The following HEMK2 variants were observed in gnomAD, a reference collection of about 807,000 sequenced individuals.
HEMK2 encodes methyltransferase HEMK2.
the HEMK2 span, among the ~76,000 whole-genome samples, chr21:28,831,202 T>C: frequency 6.6e-6 from 1 of 151,886 alleles, no homozygotes; most frequent in African/African-American, 2.4e-5. Context: ...CCCAGCACTT[T>C]GGGAGGCCGA....
At chr21:28,752,716 G>A in the HEMK2 span, among the ~76,000 whole-genome samples, 4 of 152,268 alleles carry the variant, frequency 2.6e-5, no homozygotes, top group East Asian at 1.9e-4. Context: ...TCTGCACCAC[G>A]TCCTCATCGG....
the HEMK2 span, among the ~76,000 whole-genome samples, chr21:28,672,117 A>G: frequency 6.6e-6 from 1 of 151,976 alleles, no homozygotes; most frequent in Non-Finnish European, 1.5e-5. Context: ...AAAGAAACAT[A>G]GGCTTAAATA....
chr21:28,792,277 C>T, the HEMK2 span, among the ~76,000 whole-genome samples: 1 of 152,106 alleles, frequency 6.6e-6, no homozygotes, highest in Admixed American at 6.5e-5. Flanking sequence ...ATGAACATAG[C>T]CTGTTCTGCC....
At chr21:28,583,430 C>T in the HEMK2 span, among the ~76,000 whole-genome samples, 2 of 152,110 alleles carry the variant, frequency 1.3e-5, no homozygotes, top group African/African-American at 2.4e-5. Context: ...GCATGCAGAC[C>T]CTGTGAAAAG....
At chr21:28,655,660 T>C in the HEMK2 span, among the ~76,000 whole-genome samples, 15 of 151,998 alleles carry the variant, frequency 9.9e-5, no homozygotes, top group Admixed American at 9.2e-4. Flanking sequence ...AAGATAAGGA[T>C]AATAATATCT....
chr21:28,809,392 T>C, the HEMK2 span, among the ~76,000 whole-genome samples: 1 of 152,184 alleles, frequency 6.6e-6, no homozygotes, highest in African/African-American at 2.4e-5. Flanking sequence ...TGTAAAGGTT[T>C]TTAAGTAGTG....
the HEMK2 span, among the ~76,000 whole-genome samples, chr21:28,706,809 T>C: frequency 1.3e-5 from 2 of 152,230 alleles, no homozygotes; most frequent in Non-Finnish European, 2.9e-5. Flanking sequence ...ATTAGCATTA[T>C]TCTTGGTAGC....
At chr21:28,642,131 G>A in the HEMK2 span, among the ~76,000 whole-genome samples, 9 of 152,210 alleles carry the variant, frequency 5.9e-5, no homozygotes, top group Non-Finnish European at 1.2e-4. Flanking sequence ...ACCTTCAGGA[G>A]CTTACTGAAT....
chr21:28,636,978 A>T, the HEMK2 span, among the ~76,000 whole-genome samples: 1,059 of 152,308 alleles, frequency 7.0e-3, 15 homozygotes, highest in African/African-American at 0.024. Flanking sequence ...AACAAGCTTT[A>T]AAAGTATGAC....
At chr21:28,716,854 T>C in the HEMK2 span, among the ~76,000 whole-genome samples, 2 of 152,364 alleles carry the variant, frequency 1.3e-5, no homozygotes, top group East Asian at 3.9e-4. Flanking sequence ...TCTGTGTCTA[T>C]TGAAATAATC....
At chr21:28,682,226 C>A in the HEMK2 span, among the ~76,000 whole-genome samples, 1 of 152,084 alleles carries the variant, frequency 6.6e-6, no homozygotes, top group South Asian at 2.1e-4. Context: ...ACAACCCCAT[C>A]AAAAAGTGGG....
the HEMK2 span, among the ~76,000 whole-genome samples, chr21:28,580,024 C>G: frequency 1.3e-5 from 2 of 152,198 alleles, no homozygotes; most frequent in Non-Finnish European, 2.9e-5. Flanking sequence ...AATTCTGAAT[C>G]TCTAAGAGAT....
At chr21:28,826,170 C>G in the HEMK2 span, among the ~76,000 whole-genome samples, 2 of 152,184 alleles carry the variant, frequency 1.3e-5, no homozygotes, top group East Asian at 3.8e-4. Context: ...CCAGACACCC[C>G]GTAGATGGAA....
chr21:28,845,652 AG>A, the HEMK2 span, among the ~76,000 whole-genome samples: 2 of 151,624 alleles, frequency 1.3e-5, no homozygotes, highest in Non-Finnish European at 2.9e-5. Flanking sequence ...TTTATTCCTA[AG>A]TATTTTATAT....
At chr21:28,876,236 T>C in the HEMK2 span, 69 of 490,372 alleles carry the variant, frequency 1.4e-4, 2 homozygotes, top group South Asian at 1.0e-3. Context: ...AATAATTCTA[T>C]AGGCCTGACT....
the HEMK2 span, among the ~76,000 whole-genome samples, chr21:28,743,665 A>T: frequency 6.6e-6 from 1 of 152,162 alleles, no homozygotes; most frequent in African/African-American, 2.4e-5. Context: ...CAAACAAGAG[A>T]TCTTGTTTAA....
chr21:28,805,209 C>T, the HEMK2 span, among the ~76,000 whole-genome samples: 1 of 152,162 alleles, frequency 6.6e-6, no homozygotes, highest in Non-Finnish European at 1.5e-5. Flanking sequence ...TATCACTGGG[C>T]CATGCCAAAT....
At chr21:28,870,785 AT>A in the HEMK2 span, among the ~76,000 whole-genome samples, 1 of 152,194 alleles carries the variant, frequency 6.6e-6, no homozygotes, top group Non-Finnish European at 1.5e-5. Context: ...TATTTTTGTT[AT>A]TAATTTATAA....
At chr21:28,707,017 CA>C in the HEMK2 span, among the ~76,000 whole-genome samples, 3 of 152,132 alleles carry the variant, frequency 2.0e-5, no homozygotes, top group East Asian at 5.8e-4. Flanking sequence ...TAAAGTCTAG[CA>C]GTTCTCAAAC....
Sources: gnomAD v4.1 joint callset for allele counts (sites outside exome capture counted in the v4.1 genomes callset) on GRCh38, gnomAD v4.1.1 for gene constraint, MANE v1.5 for transcripts, NCBI Gene and HGNC (gene_info 2026-07-23, HGNC 2026-07-21) for gene names.